Variants in ZNF566 observed in about 807,000 individuals in gnomAD.
The protein encoded by ZNF566 is zinc finger protein 566.
Under a neutral mutation model 32.8 loss-of-function variants are expected in ZNF566, and 27 were observed. The observed-to-expected ratio is 0.82, with a 90% CI of 0.61 to 1.14. The LOEUF is 1.14. Ranked by LOEUF, ZNF566 falls within the 50% of genes most tolerant of loss-of-function variation. The pLI, the probability that ZNF566 is intolerant of heterozygous loss-of-function variation, is 0.00. For missense variants in ZNF566, 402 were observed against 490.4 expected (o/e 0.82, Z 1.70); for synonymous variants, 154 against 159.5 (o/e 0.97, Z 0.26).
chr19:36,453,176 T>C (rs2033206043), intron 4 of ZNF566, among the ~76,000 whole-genome samples: 1 of 150,006 alleles, frequency 6.7e-6, no homozygotes, highest in Non-Finnish European at 1.5e-5. Flanking sequence ...ACAAAGGTAC[T>C]AAAAATAAAT....
chr19:36,479,589 G>A (rs1229516510), intron 1 of ZNF566, among the ~76,000 whole-genome samples: 1 of 152,200 alleles, frequency 6.6e-6, no homozygotes, highest in Non-Finnish European at 1.5e-5. Context: ...TATACCATAT[G>A]TACTATAGAT....
At chr19:36,467,011 G>C (rs913996622) in intron 4 of ZNF566, among the ~76,000 whole-genome samples, 4 of 150,880 alleles carry the variant, frequency 2.7e-5, no homozygotes, top group Non-Finnish European at 4.4e-5. Context: ...GGAGCTTGCA[G>C]TGAGCCGAGA....
intron 4 of ZNF566, among the ~76,000 whole-genome samples, chr19:36,457,293 CAGAAA>C (rs1238740812): frequency 2.0e-5 from 3 of 151,968 alleles, no homozygotes; most frequent in East Asian, 1.9e-4. Flanking sequence ...ACTAAAAACA[CAGAAA>C]AGAAAAGCAA....
At chr19:36,480,950 G>A (rs557474767) in intron 1 of ZNF566, among the ~76,000 whole-genome samples, 2 of 152,082 alleles carry the variant, frequency 1.3e-5, no homozygotes, top group East Asian at 3.9e-4. Flanking sequence ...GGCTGAGGCA[G>A]GAAAATCGCT....
chr19:36,473,919 T>C (rs2033824721), intron 2 of ZNF566, among the ~76,000 whole-genome samples: 1 of 152,110 alleles, frequency 6.6e-6, no homozygotes. Flanking sequence ...CATCAAAAAT[T>C]AGAGGGGCAA....
At chr19:36,479,061 G>A (rs954768095) in intron 1 of ZNF566, among the ~76,000 whole-genome samples, 1 of 152,108 alleles carries the variant, frequency 6.6e-6, no homozygotes, top group Non-Finnish European at 1.5e-5. Context: ...CATGTTTTCT[G>A]CCAGCATTCA....
chr19:36,467,790 CAAAAA>C (rs560803094), intron 4 of ZNF566, among the ~76,000 whole-genome samples: 1 of 85,912 alleles, frequency 1.2e-5, no homozygotes, highest in Non-Finnish European at 2.1e-5. Flanking sequence ...GACTCCATCT[CAAAAA>C]AAAAAAAAAA....
intron 4 of ZNF566, among the ~76,000 whole-genome samples, chr19:36,465,206 CACCA>C (rs1392332790): frequency 6.6e-6 from 1 of 152,152 alleles, no homozygotes; most frequent in African/African-American, 2.4e-5. Flanking sequence ...AGTTCATACT[CACCA>C]ATCAGATTAT....
At chr19:36,450,275 T>G (rs112299419) in intron 4 of ZNF566, among the ~76,000 whole-genome samples, 9 of 152,332 alleles carry the variant, frequency 5.9e-5, no homozygotes, top group African/African-American at 2.2e-4. Flanking sequence ...AGGATGACTC[T>G]AATCATACAC....
rs2033090321 is a variant in ZNF566 at position 36,449,572 on chromosome 19, T to C, written c.662A>G (p.His221Arg). ...ACATTCAAAGGGTTTCTTGCCAGTA[T>C]GAATTTTCTGATGATGAGTGAGTCT... Reference protein sequence around the residue: ...PSRLTHHQKIHTGKKPFECKE... With the variant: ...PSRLTHHQKIRTGKKPFECKE... Residue 221 changes from histidine to arginine, a missense_variant, in exon 5 of 5, where the codon CAT (histidine) becomes CGT (arginine). By Grantham distance (29) the His-to-Arg change is conservative (BLOSUM62 0). Around this residue, in one of 3 missense-constraint regions of ZNF566, gnomAD observed 135 missense variants for 210.0 expected, o/e 0.64. Coordinates refer to ENST00000452939, the MANE Select transcript of ZNF566 (RefSeq NM_001145344.1). 6 of 1,614,084 alleles carry C rather than the reference T, an allele frequency of 3.7e-6. No individual in the cohort carries two copies. Among genetic ancestry groups the C allele is most frequent in the Non-Finnish European group, 5.1e-6 (6 of 1,180,034 alleles).
rs950980880 is a variant in ZNF566 at position 36,477,533 on chromosome 19, T to TTTTG, written c.-59-921_-59-918dup. Among the ~76,000 whole-genome samples the TTTTG allele has an allele frequency of 2.9e-4, 31 of 106,082 alleles. 2 individuals carry two copies. The highest frequency in any genetic ancestry group is 4.6e-4 in the Non-Finnish European group (22 of 47,934). The allele number at this position is 106,082 out of a possible 152,430, so 69.6% of individuals were successfully genotyped here. A position where few individuals can be genotyped will look rare whatever the true frequency, so the allele number is the denominator to read the frequency against. On this transcript the variant is annotated intron_variant, in intron 1 of 4. Transcript: ENST00000452939. ...AACCAGTTTTCTGTTTCTGTTTTTT[T>TTTTG]TTTGTTTGTTTGTTTGTTTTTTTGA...
At chr19:36,472,784 C>T (rs1041805479) in intron 4 of ZNF566, 127 bp downstream of exon 4, 28 of 682,098 alleles carry the variant, frequency 4.1e-5, no homozygotes, top group Non-Finnish European at 6.5e-5. Flanking sequence ...TTTGAAAGCT[C>T]ATGTAGAAAA....
chr19:36,461,987 T>C (rs2033475385), intron 4 of ZNF566, among the ~76,000 whole-genome samples: 1 of 140,702 alleles, frequency 7.1e-6, no homozygotes, highest in African/African-American at 2.7e-5. Context: ...TTTTGAACTT[T>C]GGGTTTTTTT....
At chr19:36,461,130 A>C (rs1046373746) in intron 4 of ZNF566, among the ~76,000 whole-genome samples, 1 of 152,168 alleles carries the variant, frequency 6.6e-6, no homozygotes, top group Admixed American at 6.6e-5. Flanking sequence ...TAAATCCAGG[A>C]GACAGCTGTC....
intron 4 of ZNF566, among the ~76,000 whole-genome samples, chr19:36,466,292 C>T (rs1297126392): frequency 6.6e-6 from 1 of 152,156 alleles, no homozygotes; most frequent in Non-Finnish European, 1.5e-5. Flanking sequence ...TACAGCTGTC[C>T]CTCTGTACCA....
intron 4 of ZNF566, among the ~76,000 whole-genome samples, chr19:36,460,395 T>C (rs939855350): frequency 1.3e-5 from 2 of 152,098 alleles, no homozygotes; most frequent in South Asian, 2.1e-4. Flanking sequence ...AATAAACAAG[T>C]TTTAGAACTG....
intron 1 of ZNF566, among the ~76,000 whole-genome samples, chr19:36,486,285 C>A (rs890357144): frequency 1.3e-5 from 2 of 152,154 alleles, no homozygotes; most frequent in African/African-American, 4.8e-5. Context: ...AATTAAAAGT[C>A]TTCTATCAGC....
In ZNF566 at chr19:36,447,964, T is replaced by C. The variant is rs2033038008; in HGVS notation, c.*1013A>G. On this transcript the variant is annotated 3_prime_UTR_variant, in exon 5 of 5. Coordinates refer to ENST00000452939, the MANE Select transcript of ZNF566 (RefSeq NM_001145344.1). Reference sequence around the variant, plus strand: ...CGATGACTAACATTCAGTGAGTATGTATTTATCATGTCAGGCACAATTCTA... The same window carrying C: ...CGATGACTAACATTCAGTGAGTATGCATTTATCATGTCAGGCACAATTCTA... 1 of 152,200 alleles carries C rather than the reference T, an allele frequency of 6.6e-6. No individual in the cohort carries two copies. 9.4% of individuals were successfully genotyped at this position (152,200 alleles called of 1,614,324 possible).
At chr19:36,482,784 A>G (rs73049844) in intron 1 of ZNF566, among the ~76,000 whole-genome samples, 24,506 of 152,162 alleles carry the variant, frequency 0.16, 2,465 homozygotes, top group Non-Finnish European at 0.23. Flanking sequence ...ATGGGAGACA[A>G]TTCTCCATGG....
Sources: gnomAD v4.1 joint callset for allele counts (sites outside exome capture counted in the v4.1 genomes callset) on GRCh38, gnomAD v4.1.1 for gene constraint, gnomAD v4.1.1 regional missense constraint, MANE v1.5 for transcripts, NCBI Gene and HGNC (gene_info 2026-07-23, HGNC 2026-07-21) for gene names.